Variants in BRINP1 observed in about 807,000 individuals in gnomAD.
BRINP1 encodes BMP/retinoic acid-inducible neural-specific protein 1.
Under a neutral mutation model 72.9 loss-of-function variants are expected in BRINP1, and 17 were observed. The observed-to-expected ratio is 0.23, with a 90% CI of 0.16 to 0.35. The LOEUF (loss-of-function observed/expected upper bound fraction) is 0.35. BRINP1 is among the 10% of genes least tolerant of loss of function. BRINP1 has a pLI of 1.00. For missense variants in BRINP1, 850 were observed against 1,001.6 expected (o/e 0.85, Z 2.04); for synonymous variants, 418 against 378.5 (o/e 1.10, Z -1.21).
chr9:119,167,057 GA>G lies in BRINP1; in HGVS notation c.*26del. On this transcript the variant is annotated 3_prime_UTR_variant, in exon 8 of 8. Transcript: ENST00000265922. The surrounding 1 kb of genome is among the most constrained non-coding windows in gnomAD (Gnocchi z 4.3). ...TTCTGTTGTGTGTGTACAACAACAG[GA>G]AAAGTCCATGGCAAGGAGTCCCGGG... 6.4e-7 allele frequency: 1 copy of G among 1,564,496 alleles called. No individual in the cohort carries two copies. Among genetic ancestry groups the G allele is most frequent in the Non-Finnish European group, 8.7e-7 (1 of 1,152,798 alleles).
In BRINP1 at chr9:119,229,755, G is replaced by A. The variant is rs188437119; in HGVS notation, c.685+8900C>T. On this transcript the variant is annotated intron_variant, in intron 5 of 7. Transcript: ENST00000265922. Reference sequence around the variant, plus strand: ...GTAGGCCCTCAGGAAATGGTCATTAGGTTGAACTGAATCCAGTATCATGTG... The same window carrying A: ...GTAGGCCCTCAGGAAATGGTCATTAAGTTGAACTGAATCCAGTATCATGTG... 1.5e-3 allele frequency among the ~76,000 whole-genome samples: 232 copies of A among 152,206 alleles called. 2 individuals are homozygous for A. Among genetic ancestry groups the A allele is most frequent in the Non-Finnish European group, 2.7e-3 (186 of 67,984 alleles).
chr9:119,170,019 C>CAAAG (rs1829383171), intron 7 of BRINP1, among the ~76,000 whole-genome samples: 1 of 152,130 alleles, frequency 6.6e-6, no homozygotes, highest in Non-Finnish European at 1.5e-5. Context: ...GATAAAACCA[C>CAAAG]AAAGATGGGG....
intron 6 of BRINP1, among the ~76,000 whole-genome samples, chr9:119,210,706 T>A (rs184125387): frequency 6.6e-6 from 1 of 152,156 alleles, no homozygotes; most frequent in African/African-American, 2.4e-5. Context: ...TAGAAAAAAC[T>A]CAGGCATTTA....
chr9:119,295,004 A>G (rs555314825), intron 2 of BRINP1, among the ~76,000 whole-genome samples: 1 of 152,254 alleles, frequency 6.6e-6, no homozygotes, highest in South Asian at 2.1e-4. Context: ...GAAATAGAAA[A>G]AAAAAACTTA....
Position 119,208,746 on chromosome 9 carries a change from T to C in BRINP1, c.1118A>G (p.Asn373Ser), listed in dbSNP as rs760653993. The C allele has an allele frequency of 6.2e-7, 1 of 1,613,342 alleles. No individual in the cohort carries two copies. Among genetic ancestry groups the C allele is most frequent in the Non-Finnish European group, 8.5e-7 (1 of 1,180,008 alleles). ...CTCTCTAGGCAGCTGGTGGTTGGGA[T>C]TGTGGCGACAGCGTACACTGAGGCC... Reference protein sequence around the residue: ...LFGLSVRCRHNPNHQLPRERT... With the variant: ...LFGLSVRCRHSPNHQLPRERT... The change falls in exon 7 of 8, where the codon AAT (asparagine) becomes AGT (serine). Residue 373 changes from asparagine to serine, a missense_variant. Transcript: ENST00000265922.
intron 7 of BRINP1, among the ~76,000 whole-genome samples, chr9:119,177,176 G>A (rs753904755): frequency 2.6e-4 from 39 of 152,102 alleles, no homozygotes; most frequent in South Asian, 2.1e-4. Context: ...TTTAAAAAAG[G>A]AAAAACAAAC....
chr9:119,340,884 A>G (rs768790804), intron 1 of BRINP1, among the ~76,000 whole-genome samples: 2 of 152,196 alleles, frequency 1.3e-5, no homozygotes, highest in Non-Finnish European at 2.9e-5. Flanking sequence ...TCCACAGAGT[A>G]GGGAGCTAGT....
chr9:119,215,643 T>C (rs558119480), intron 5 of BRINP1, among the ~76,000 whole-genome samples: 2 of 152,354 alleles, frequency 1.3e-5, no homozygotes, highest in African/African-American at 2.4e-5. Flanking sequence ...TTTTATCTTT[T>C]TTCCATTTTC....
chr9:119,178,151 G>A (rs1829509886), intron 7 of BRINP1, among the ~76,000 whole-genome samples: 1 of 152,138 alleles, frequency 6.6e-6, no homozygotes, highest in Non-Finnish European at 1.5e-5. Flanking sequence ...TAGAGACAAA[G>A]AGATGCAGCC....
chr9:119,340,348 T>A (rs2119022527), intron 1 of BRINP1, among the ~76,000 whole-genome samples: 1 of 152,176 alleles, frequency 6.6e-6, no homozygotes, highest in East Asian at 1.9e-4. Flanking sequence ...GTTAAGTTAA[T>A]TGGCCCCCAA....
intron 7 of BRINP1, among the ~76,000 whole-genome samples, chr9:119,205,308 G>A (rs1829842168): frequency 6.6e-6 from 1 of 152,132 alleles, no homozygotes; most frequent in Non-Finnish European, 1.5e-5. Context: ...ATATAATTGA[G>A]TGACCTGCTA....
intron 1 of BRINP1, among the ~76,000 whole-genome samples, chr9:119,322,653 C>A (rs927112248): frequency 6.6e-6 from 1 of 152,094 alleles, no homozygotes. Flanking sequence ...GGCTGATGAT[C>A]GCATCTGGGA....
intron 5 of BRINP1, among the ~76,000 whole-genome samples, chr9:119,223,094 A>G (rs1830057250): frequency 6.6e-6 from 1 of 151,984 alleles, no homozygotes; most frequent in Non-Finnish European, 1.5e-5. Flanking sequence ...TCCTGTTCAC[A>G]TTTTGCCTTC....
intron 2 of BRINP1, among the ~76,000 whole-genome samples, chr9:119,296,211 G>A (rs572745246): frequency 1.1e-3 from 161 of 152,148 alleles, no homozygotes; most frequent in Non-Finnish European, 1.9e-3. Context: ...GAAATAACTC[G>A]ATGTAAAAAT....
chr9:119,318,103 A>C (rs1490351753), intron 1 of BRINP1, among the ~76,000 whole-genome samples: 2 of 152,140 alleles, frequency 1.3e-5, no homozygotes, highest in East Asian at 3.9e-4. Flanking sequence ...ATTGGGCTGT[A>C]AGCCTTTAAC....
At chr9:119,181,099 G>A (rs1420831221) in intron 7 of BRINP1, among the ~76,000 whole-genome samples, 1 of 152,190 alleles carries the variant, frequency 6.6e-6, no homozygotes, top group Admixed American at 6.5e-5. Flanking sequence ...TGAATGTGCT[G>A]AAGACAAGTG....
intron 1 of BRINP1, among the ~76,000 whole-genome samples, chr9:119,328,287 A>T (rs1249802845): frequency 6.6e-6 from 1 of 152,216 alleles, no homozygotes; most frequent in African/African-American, 2.4e-5. Flanking sequence ...AGTTGTCAAC[A>T]GCATGATGGA....
intron 7 of BRINP1, among the ~76,000 whole-genome samples, chr9:119,191,674 C>A (rs905879961): frequency 1.3e-5 from 2 of 151,706 alleles, no homozygotes; most frequent in Non-Finnish European, 3.0e-5. Context: ...ATATTATCAA[C>A]ATATTCACAC....
chr9:119,260,837 C>T (rs948443330), intron 2 of BRINP1, among the ~76,000 whole-genome samples: 4 of 151,998 alleles, frequency 2.6e-5, no homozygotes, highest in African/African-American at 9.7e-5. Context: ...GGGTGGGGGT[C>T]GTCTAAAGTA....
Sources: gnomAD v4.1 joint callset for allele counts (sites outside exome capture counted in the v4.1 genomes callset) on GRCh38, gnomAD v4.1.1 for gene constraint, Gnocchi (gnomAD v3.1) non-coding constraint, MANE v1.5 for transcripts, NCBI Gene and HGNC (gene_info 2026-07-23, HGNC 2026-07-21) for gene names.